The following CYTH1 variants were observed in gnomAD, a reference collection of about 807,000 sequenced individuals.
CYTH1 encodes cytohesin-1.
A neutral mutation model predicts 61.8 loss-of-function variants in CYTH1; 18 were observed. The ratio of observed to expected loss-of-function variants is 0.29; its 90% CI spans 0.20 to 0.43. CYTH1 has a LOEUF of 0.43. Ranked by LOEUF, CYTH1 falls within the 20% of genes least tolerant of loss-of-function variation. The pLI, the probability that CYTH1 is intolerant of heterozygous loss-of-function variation, is 1.00. For synonymous variants in CYTH1, 174 were observed against 184.3 expected (o/e 0.94, Z 0.45); for missense variants, 336 against 510.5 (o/e 0.66, Z 3.29).
intron 1 of CYTH1, among the ~76,000 whole-genome samples, chr17:78,753,868 A>C (rs1481126814): frequency 1.3e-5 from 2 of 152,096 alleles, no homozygotes; most frequent in Non-Finnish European, 2.9e-5. Flanking sequence ...ACACCAAAAA[A>C]CCCTTGCAGA....
intron 10 of CYTH1, among the ~76,000 whole-genome samples, chr17:78,692,936 T>A (rs896630989): frequency 1.4e-4 from 21 of 152,018 alleles, no homozygotes; most frequent in African/African-American, 5.1e-4. Flanking sequence ...TCACTGGAAG[T>A]GAAGGAAGGA....
At chr17:78,727,804 T>C (rs1306831560) in intron 1 of CYTH1, 1 of 447,748 alleles carries the variant, frequency 2.2e-6, no homozygotes, top group African/African-American at 2.0e-5. Flanking sequence ...CCGTCCCCTA[T>C]CTCCTGCCCA....
chr17:78,737,868 T>C (rs1455002314), intron 1 of CYTH1, among the ~76,000 whole-genome samples: 1 of 97,934 alleles, frequency 1.0e-5, no homozygotes. Context: ...CTCTCTCTTC[T>C]ATAGATACAC....
intron 1 of CYTH1, among the ~76,000 whole-genome samples, chr17:78,760,355 T>TTTTATATATATATATA: frequency 1.9e-5 from 1 of 52,276 alleles, no homozygotes; most frequent in South Asian, 6.6e-4. Flanking sequence ...AATAGCAGGT[T>TTTTATATATATATATA]TATATATATA....
At chr17:78,714,989 G>T (rs1211430849) in intron 1 of CYTH1, among the ~76,000 whole-genome samples, 2 of 152,246 alleles carry the variant, frequency 1.3e-5, no homozygotes, top group South Asian at 2.1e-4. Flanking sequence ...GTCAACGAAG[G>T]ATTAAAAGAT....
In CYTH1 at chr17:78,711,398, C is replaced by A. The variant is rs180674815; in HGVS notation, c.23-1666G>T. 1.1e-4 allele frequency among the ~76,000 whole-genome samples: 17 copies of A among 151,780 alleles called. No individual in the cohort carries two copies. The East Asian group carries it at 3.1e-3, about 28-fold the overall frequency. On this transcript the variant is annotated intron_variant, in intron 1 of 13. Transcript: ENST00000446868. Reference sequence around the variant, plus strand: ...TTAATAATATTTTATATTGATTGCACATTGATATAACTTAATGAAATGTAT... The same window carrying A: ...TTAATAATATTTTATATTGATTGCAAATTGATATAACTTAATGAAATGTAT...
At chr17:78,683,880 T>C (rs1348803096) in intron 11 of CYTH1, among the ~76,000 whole-genome samples, 2 of 152,198 alleles carry the variant, frequency 1.3e-5, no homozygotes, top group South Asian at 2.1e-4. Context: ...AGGATTCCGC[T>C]GGGTTAACTG....
At chr17:78,737,589 C>A in intron 1 of CYTH1, among the ~76,000 whole-genome samples, 3 of 141,780 alleles carry the variant, frequency 2.1e-5, no homozygotes, top group Non-Finnish European at 3.0e-5. Context: ...AAGCAGAAAG[C>A]AGATATTAGA....
chr17:78,768,224 T>TATA (rs985496846), intron 1 of CYTH1, among the ~76,000 whole-genome samples: 3 of 152,150 alleles, frequency 2.0e-5, no homozygotes, highest in Non-Finnish European at 4.4e-5. Context: ...CCTGAAGAGT[T>TATA]ATATACATTT....
In CYTH1 at chr17:78,753,529, A is replaced by ATAAATAAATAAATAAG. The variant is rs1555614199; in HGVS notation, c.22+28672_22+28673insCTTATTTATTTATTTA. ...AATAAATAAATAAATAAATAAATAA[A>ATAAATAAATAAATAAG]TAAAGATAACAACAAAGAATCGGAG... On this transcript the variant is annotated intron_variant, in intron 1 of 13. Coordinates refer to ENST00000446868, the MANE Select transcript of CYTH1 (RefSeq NM_004762.6). 1.8e-3 allele frequency among the ~76,000 whole-genome samples: 268 copies of ATAAATAAATAAATAAG among 151,956 alleles called. 1 individual carries two copies. The South Asian group carries it at 0.018, about 10-fold the overall frequency.
Position 78,692,363 on chromosome 17 carries a change from G to A in CYTH1, c.891+54C>T, listed in dbSNP as rs2144176108. The A allele has an allele frequency of 2.6e-6, 4 of 1,566,062 alleles. No individual in the cohort carries two copies. In the East Asian group the frequency reaches 6.7e-5, roughly 26 times the overall value. On this transcript the variant is annotated intron_variant, in intron 11 of 13. Transcript: ENST00000446868. ...CAACCATGTCTGATTAGAGACACTT[G>A]GAACCGGAGGCCTTGCCCATCCCTA...
intron 1 of CYTH1, among the ~76,000 whole-genome samples, chr17:78,775,437 C>T (rs1047129092): frequency 7.2e-5 from 11 of 152,120 alleles, no homozygotes; most frequent in African/African-American, 2.7e-4. Flanking sequence ...TCGAAATATG[C>T]GAATGAACAA....
At chr17:78,781,846 C>T (rs1468693467) in intron 1 of CYTH1, among the ~76,000 whole-genome samples, 2 of 151,714 alleles carry the variant, frequency 1.3e-5, no homozygotes, top group East Asian at 3.9e-4. Flanking sequence ...GACTCTCATC[C>T]CTCAGAGCCC....
At chr17:78,710,623 C>T (rs895654521) in intron 1 of CYTH1, among the ~76,000 whole-genome samples, 2 of 152,226 alleles carry the variant, frequency 1.3e-5, no homozygotes, top group Admixed American at 6.5e-5. Flanking sequence ...TAGGTCACTT[C>T]AGACAAGTTA....
At chr17:78,756,257 G>A (rs535670402) in intron 1 of CYTH1, among the ~76,000 whole-genome samples, 3 of 151,712 alleles carry the variant, frequency 2.0e-5, no homozygotes, top group Non-Finnish European at 2.9e-5. Context: ...TGTATTTTTA[G>A]TAGAGACAGG....
At chr17:78,752,542 T>C (rs6501247) in intron 1 of CYTH1, among the ~76,000 whole-genome samples, 80,561 of 151,920 alleles carry the variant, frequency 0.53, 21,514 homozygotes, top group East Asian at 0.61. Flanking sequence ...AAGTGATTCT[T>C]CTGCCTCAGC....
chr17:78,730,344 T>C (rs1466411673), intron 1 of CYTH1, among the ~76,000 whole-genome samples: 2 of 129,552 alleles, frequency 1.5e-5, no homozygotes, highest in African/African-American at 6.1e-5. Flanking sequence ...GCTAACACGG[T>C]GAAACCCCAT....
intron 1 of CYTH1, among the ~76,000 whole-genome samples, chr17:78,760,558 T>TAC: frequency 4.8e-5 from 1 of 21,020 alleles, no homozygotes; most frequent in East Asian, 8.9e-4. Context: ...TATATATATG[T>TAC]ATATATATAT....
At chr17:78,770,148 CAA>C (rs766248056) in intron 1 of CYTH1, among the ~76,000 whole-genome samples, 2 of 131,584 alleles carry the variant, frequency 1.5e-5, no homozygotes, top group African/African-American at 2.8e-5. Context: ...GACTTCGTCT[CAA>C]AAAAAAAAAA....
Sources: gnomAD v4.1 joint callset for allele counts (sites outside exome capture counted in the v4.1 genomes callset) on GRCh38, gnomAD v4.1.1 for gene constraint, MANE v1.5 for transcripts, NCBI Gene and HGNC (gene_info 2026-07-23, HGNC 2026-07-21) for gene names.